Variants in ISM1 observed in about 807,000 individuals in gnomAD.
The protein encoded by ISM1 is isthmin 1.
A neutral mutation model predicts 46.3 loss-of-function variants in ISM1; 25 were observed. The ratio of observed to expected loss-of-function variants is 0.54; its 90% CI spans 0.39 to 0.75. ISM1 has a LOEUF of 0.75. ISM1 is among the 30% of genes least tolerant of loss of function. The pLI is 0.00. For synonymous variants in ISM1, 255 were observed against 256.7 expected (o/e 0.99, Z 0.06); for missense variants, 536 against 625.4 (o/e 0.86, Z 1.52).
chr20:13,280,403 C>CTA (rs1170567185), intron 3 of ISM1, among the ~76,000 whole-genome samples: 1 of 129,172 alleles, frequency 7.7e-6, no homozygotes, highest in Admixed American at 7.6e-5. Flanking sequence ...CCCCCCCCCC[C>CTA]AATACATTTC....
intron 1 of ISM1, among the ~76,000 whole-genome samples, chr20:13,224,394 G>A (rs989175480): frequency 6.6e-6 from 1 of 152,142 alleles, no homozygotes; most frequent in Admixed American, 6.6e-5. Context: ...TCGTTTTCAG[G>A]CCCCAGAAAG....
chr20:13,310,540 T>C, the ISM1 span, among the ~76,000 whole-genome samples: 26 of 152,308 alleles, frequency 1.7e-4, no homozygotes, highest in African/African-American at 6.3e-4. Context: ...TGCCCAAATA[T>C]GTAGGCAACA....
chr20:13,254,086 C>T (rs1208745605), intron 1 of ISM1, among the ~76,000 whole-genome samples: 1 of 146,114 alleles, frequency 6.8e-6, no homozygotes, highest in Non-Finnish European at 1.5e-5. Context: ...AAAATACAAA[C>T]ATTAGGCATG....
chr20:13,300,696 G>A (rs138639528), downstream of ISM1: 12 of 152,316 alleles, frequency 7.9e-5, no homozygotes, highest in South Asian at 1.9e-3. Flanking sequence ...TAAATAGCCC[G>A]TGTGAAGCAA....
rs1290250971 is a variant in ISM1 at position 13,279,565 on chromosome 20, C to T, written c.379-69C>T. 8 of 1,482,496 alleles carry T rather than the reference C, an allele frequency of 5.4e-6. No individual in the cohort carries two copies. The African/African-American group carries it at 8.4e-5, about 16-fold the overall frequency. 91.8% of individuals were successfully genotyped at this position (1,482,496 alleles called of 1,614,324 possible). A position where few individuals can be genotyped will look rare whatever the true frequency, so the allele number is the denominator to read the frequency against. On this transcript the variant is annotated intron_variant, in intron 2 of 5. Coordinates refer to ENST00000262487, the MANE Select transcript of ISM1 (RefSeq NM_080826.2). ...ATTTCCCTCTGCCCTCTCAGACTTT[C>T]TTCCAAGGGTCATGTAGCTTGGAGG...
chr20:13,270,522 A>G lies in ISM1; in HGVS notation c.157A>G (p.Ser53Gly), dbSNP rs775894044. The change falls in exon 2 of 6, where the codon AGT (serine) becomes GGT (glycine). Residue 53 changes from serine to glycine, a missense_variant. Coordinates refer to ENST00000262487, the MANE Select transcript of ISM1 (RefSeq NM_080826.2). ...GTTTTAGAATAACCTCAACGTGGGA[A>G]GTGACACCACATCAGAAACCAGCTT... ...AQLQNNLNVG[S>G]DTTSETSFSL... 5 of 1,613,296 alleles carry G rather than the reference A, an allele frequency of 3.1e-6. No homozygotes were observed. In the African/African-American group the frequency reaches 6.7e-5, roughly 22 times the overall value.
At chr20:13,233,412 A>G (rs1039132469) in intron 1 of ISM1, among the ~76,000 whole-genome samples, 1 of 152,044 alleles carries the variant, frequency 6.6e-6, no homozygotes, top group African/African-American at 2.4e-5. Context: ...CCTGACCAAC[A>G]TGGAGAAACC....
chr20:13,294,285 A>G (rs1031413975), intron 5 of ISM1, among the ~76,000 whole-genome samples: 4 of 152,248 alleles, frequency 2.6e-5, no homozygotes, highest in Non-Finnish European at 1.5e-5. Flanking sequence ...CAGTGTCGCT[A>G]GGGCCTCTAC....
chr20:13,257,879 G>A (rs986832721), intron 1 of ISM1, among the ~76,000 whole-genome samples: 1 of 152,070 alleles, frequency 6.6e-6, no homozygotes, highest in Admixed American at 6.5e-5. Flanking sequence ...AATTCAAAGT[G>A]GCTGCAGACT....
rs370729463 is a variant in ISM1, at chr20:13,270,516, G to A, written c.151G>A (p.Val51Met). 21 of 1,612,916 alleles carry A rather than the reference G, an allele frequency of 1.3e-5. No homozygotes were observed. The highest frequency in any genetic ancestry group is 4.5e-5 in the East Asian group (2 of 44,882). ...TTGTTTGTTTTAGAATAACCTCAACGTGGGAAGTGACACCACATCAGAAAC... is the reference window on the plus strand; with the variant it reads ...TTGTTTGTTTTAGAATAACCTCAACATGGGAAGTGACACCACATCAGAAAC... Reference protein sequence around the residue: ...SQAQLQNNLNVGSDTTSETSF... With the variant: ...SQAQLQNNLNMGSDTTSETSF... The change falls in exon 2 of 6, where the codon GTG becomes ATG. Residue 51 changes from valine to methionine, a missense_variant. Around this residue, in one of 2 missense-constraint regions of ISM1, gnomAD observed 367 missense variants for 376.1 expected, o/e 0.98. Transcript: ENST00000262487.
the ISM1 span, among the ~76,000 whole-genome samples, chr20:13,318,314 A>G: frequency 6.6e-6 from 1 of 152,160 alleles, no homozygotes; most frequent in Non-Finnish European, 1.5e-5. Flanking sequence ...AATCCAAAAC[A>G]TTGACAACAT....
rs1429233180 is a variant in ISM1, at chr20:13,299,401, C to T, written c.1337C>T (p.Thr446Ile). 2 of 1,612,772 alleles carry T rather than the reference C, an allele frequency of 1.2e-6. No individual in the cohort carries two copies. The highest frequency in any genetic ancestry group is 1.7e-6 in the Non-Finnish European group (2 of 1,179,868). The change falls in exon 6 of 6, where the codon ACA becomes ATA. Residue 446 changes from threonine (T) to isoleucine (I), a missense_variant. Physicochemically the swap from Thr to Ile is moderately conservative, Grantham distance 89. Coordinates refer to ENST00000262487, the MANE Select transcript of ISM1 (RefSeq NM_080826.2). This position sits in a 1 kb window ranked among gnomAD's most constrained non-coding sequence, Gnocchi z 5.8. ...ARPPNNGQKC[T>I]ESPSDEDYIK... is the part of the protein sequence containing the mutation. ...CCTCCCAACAACGGACAGAAGTGCA[C>T]AGAGAGCCCCTCGGACGAGGACTAC...
intron 1 of ISM1, among the ~76,000 whole-genome samples, chr20:13,249,720 G>A (rs888806118): frequency 2.6e-5 from 4 of 152,190 alleles, no homozygotes; most frequent in African/African-American, 7.2e-5. Context: ...CACACAATGG[G>A]AAGCCAAAGG....
chr20:13,303,749 G>A (rs2040477761), downstream of ISM1, among the ~76,000 whole-genome samples: 2 of 152,158 alleles, frequency 1.3e-5, no homozygotes, highest in African/African-American at 4.8e-5. Flanking sequence ...CAGATACCAG[G>A]GATACAGCGG....
chr20:13,278,300 G>A (rs2040202898), intron 2 of ISM1, among the ~76,000 whole-genome samples: 1 of 152,176 alleles, frequency 6.6e-6, no homozygotes, highest in Admixed American at 6.5e-5. Context: ...TTCTAGCTTT[G>A]GCTCCAGGAC....
At chr20:13,288,721 G>T (rs755574693) in intron 4 of ISM1, 38 bp downstream of exon 4, 2 of 1,573,328 alleles carry the variant, frequency 1.3e-6, no homozygotes, top group Non-Finnish European at 1.7e-6. Flanking sequence ...AGTTCAAGGG[G>T]AAAGCTTTTT....
intron 3 of ISM1, among the ~76,000 whole-genome samples, chr20:13,287,571 A>G (rs932783551): frequency 6.6e-6 from 1 of 152,134 alleles, no homozygotes; most frequent in Non-Finnish European, 1.5e-5. Context: ...AATTTCTAAC[A>G]TGCCATCTAA....
chr20:13,244,425 A>G (rs2039770291), intron 1 of ISM1: 1 of 152,164 alleles, frequency 6.6e-6, no homozygotes, highest in Non-Finnish European at 1.5e-5. Context: ...ATGAAAATAT[A>G]TAGTGGTCAC....
chr20:13,311,283 A>AG, the ISM1 span, among the ~76,000 whole-genome samples: 1 of 151,330 alleles, frequency 6.6e-6, no homozygotes, highest in African/African-American at 2.4e-5. Flanking sequence ...ATAGATAGAT[A>AG]ATAAAATATT....
Sources: gnomAD v4.1 joint callset for allele counts (sites outside exome capture counted in the v4.1 genomes callset) on GRCh38, gnomAD v4.1.1 for gene constraint, gnomAD v4.1.1 regional missense constraint, Gnocchi (gnomAD v3.1) non-coding constraint, MANE v1.5 for transcripts, NCBI Gene and HGNC (gene_info 2026-07-23, HGNC 2026-07-21) for gene names.